PDE3B: variants seen among roughly 807,000 people sequenced by gnomAD.
The protein encoded by PDE3B is cGMP-inhibited 3',5'-cyclic phosphodiesterase 3B.
In PDE3B, 66 loss-of-function variants were observed where a neutral mutation model predicts 116.8. The observed-to-expected ratio is 0.56, with a 90% CI of 0.46 to 0.69. The LOEUF (loss-of-function observed/expected upper bound fraction) is 0.69. PDE3B is among the 30% of genes least tolerant of loss of function. The pLI, the probability that PDE3B is intolerant of heterozygous loss-of-function variation, is 0.00. For missense variants in PDE3B, 1,384 were observed against 1,368.1 expected, an observed-to-expected ratio of 1.01 and a Z score of -0.18; for synonymous variants, 595 against 533.6, an observed-to-expected ratio of 1.12 and a Z score of -1.59.
intron 1 of PDE3B, among the ~76,000 whole-genome samples, chr11:14,694,459 G>A (rs1444269901): frequency 6.6e-6 from 1 of 152,160 alleles, no homozygotes; most frequent in Non-Finnish European, 1.5e-5. Context: ...TGATAAGTCA[G>A]CAGCCATCAG....
chr11:14,883,708 T>C, the PDE3B span, among the ~76,000 whole-genome samples: 11 of 151,926 alleles, frequency 7.2e-5, no homozygotes, highest in Non-Finnish European at 2.9e-5. Flanking sequence ...CTCAAGAGCT[T>C]CTGCACAGCA....
intron 1 of PDE3B, among the ~76,000 whole-genome samples, chr11:14,691,167 G>A (rs997046576): frequency 6.6e-6 from 1 of 152,128 alleles, no homozygotes; most frequent in African/African-American, 2.4e-5. Context: ...CTAGTGCTGA[G>A]TGCAATAATT....
chr11:14,867,602 A>C lies in PDE3B; in HGVS notation c.2983A>C (p.Ile995Leu). 1 of 1,613,732 alleles carries C rather than the reference A, an allele frequency of 6.2e-7. No homozygotes were observed. The highest frequency in any genetic ancestry group is 8.5e-7 in the Non-Finnish European group (1 of 1,179,656). The change falls in exon 15 of 16, where the codon ATA becomes CTA. Residue 995 changes from isoleucine to leucine, a missense_variant. By Grantham distance (5) the Ile-to-Leu change is conservative. This residue lies in a region of PDE3B where 428 missense variants were observed against 561.4 expected (regional missense o/e 0.76). Coordinates refer to ENST00000282096, the MANE Select transcript of PDE3B (RefSeq NM_000922.4). ...ACTCCAAGAATCTTTTATCACCCAC[A>C]TAGTGGGTCCCCTGTGTAACTCCTA... Reference protein sequence around the residue: ...AKLQESFITHIVGPLCNSYDA... With the variant: ...AKLQESFITHLVGPLCNSYDA...
chr11:14,832,047 T>C (rs1288393766), intron 9 of PDE3B, among the ~76,000 whole-genome samples: 2 of 152,188 alleles, frequency 1.3e-5, no homozygotes, highest in Non-Finnish European at 2.9e-5. Flanking sequence ...TTCTTGAATG[T>C]GGAGGTTGAA....
intron 1 of PDE3B, among the ~76,000 whole-genome samples, chr11:14,666,665 C>CA (rs1357949819): frequency 6.6e-6 from 1 of 151,160 alleles, no homozygotes; most frequent in East Asian, 1.9e-4. Flanking sequence ...TTTATGCAGC[C>CA]AAAAAACACA....
At chr11:14,646,359 C>G (rs1853407406) in intron 1 of PDE3B, among the ~76,000 whole-genome samples, 1 of 152,146 alleles carries the variant, frequency 6.6e-6, no homozygotes, top group Non-Finnish European at 1.5e-5. Context: ...TGACACAATA[C>G]TTTGCTTCTT....
intron 1 of PDE3B, among the ~76,000 whole-genome samples, chr11:14,655,593 G>T (rs549911186): frequency 7.9e-5 from 12 of 152,094 alleles, no homozygotes; most frequent in Non-Finnish European, 1.5e-4. Flanking sequence ...ACTCAGATGT[G>T]CAGACTAGCT....
intron 1 of PDE3B, among the ~76,000 whole-genome samples, chr11:14,729,779 T>G (rs1856405721): frequency 6.6e-6 from 1 of 152,148 alleles, no homozygotes; most frequent in South Asian, 2.1e-4. Context: ...TGTTTTATAT[T>G]TAATGGAGTG....
intron 5 of PDE3B, among the ~76,000 whole-genome samples, chr11:14,816,033 A>T (rs750571830): frequency 2.6e-5 from 4 of 152,086 alleles, no homozygotes; most frequent in Non-Finnish European, 5.9e-5. Flanking sequence ...TGGGCTTGCA[A>T]GGCAAGCAAG....
chr11:14,883,615 T>G, the PDE3B span, among the ~76,000 whole-genome samples: 3 of 152,210 alleles, frequency 2.0e-5, no homozygotes, highest in South Asian at 6.2e-4. Context: ...ATTCAGGAGA[T>G]AGGCATGGGC....
rs570259141 is a variant in PDE3B at position 14,866,568 on chromosome 11, G to T, written c.2887-938G>T. Among the ~76,000 whole-genome samples, 18 of 152,220 alleles carry T rather than the reference G, an allele frequency of 1.2e-4. No homozygotes were observed. In the South Asian group the frequency reaches 3.5e-3, roughly 30 times the overall value. The stretch of plus-strand genomic sequence containing the variant: ...AATATCAATTGTTTTCTTCCTCATA[G>T]ACAATAATCTCGTAAAAGATTTCTA... On this transcript the variant is annotated intron_variant, in intron 14 of 15. Transcript: ENST00000282096.
chr11:14,789,199 C>T lies in PDE3B; in HGVS notation c.1372C>T (p.Arg458Cys), dbSNP rs781318091. The change falls in exon 4 of 16, where the codon CGT becomes TGT. Residue 458 changes from arginine to cysteine, a missense_variant. Physicochemically the swap from Arg to Cys is radical, Grantham distance 180. This residue lies in a region of PDE3B where 956 missense variants were observed against 806.8 expected (regional missense o/e 1.18). Coordinates refer to ENST00000282096, the MANE Select transcript of PDE3B (RefSeq NM_000922.4). Reference sequence around the variant, plus strand: ...TGTTGAACAGTCTTCAAGGTGGGATCGTAATAATGGCAAAAGACCTCACCA... The same window carrying T: ...TGTTGAACAGTCTTCAAGGTGGGATTGTAATAATGGCAAAAGACCTCACCA... ...LPVEQSSRWD[R>C]NNGKRPHQEF... 7.5e-6 allele frequency: 12 copies of T among 1,609,862 alleles called. No homozygotes were observed. The highest frequency in any genetic ancestry group is 4.0e-5 in the African/African-American group (3 of 74,748).
intron 12 of PDE3B, among the ~76,000 whole-genome samples, chr11:14,851,815 C>A (rs1343466983): frequency 1.3e-5 from 2 of 152,102 alleles, no homozygotes; most frequent in African/African-American, 2.4e-5. Flanking sequence ...GGATTAATGG[C>A]ATAGTGGAAA....
chr11:14,659,582 T>A (rs1853828519), intron 1 of PDE3B, among the ~76,000 whole-genome samples: 1 of 152,186 alleles, frequency 6.6e-6, no homozygotes, highest in African/African-American at 2.4e-5. Flanking sequence ...TGGGAGTTTG[T>A]TGTACAGATT....
chr11:14,687,492 A>C (rs937888870), intron 1 of PDE3B, among the ~76,000 whole-genome samples: 3 of 152,158 alleles, frequency 2.0e-5, no homozygotes, highest in African/African-American at 7.2e-5. Flanking sequence ...AGACAATAGA[A>C]CTATGTTTAT....
At chr11:14,681,939 G>A (rs1407295773) in intron 1 of PDE3B, among the ~76,000 whole-genome samples, 1 of 152,124 alleles carries the variant, frequency 6.6e-6, no homozygotes, top group Non-Finnish European at 1.5e-5. Flanking sequence ...CTGATAGCCT[G>A]CTGTTGACTG....
chr11:14,701,551 A>G (rs2133817871), intron 1 of PDE3B, among the ~76,000 whole-genome samples: 1 of 151,708 alleles, frequency 6.6e-6, no homozygotes, highest in African/African-American at 2.4e-5. Flanking sequence ...AATTACTCCT[A>G]ATTTTTTCCC....
chr11:14,792,404 A>G (rs1175084894), intron 4 of PDE3B, among the ~76,000 whole-genome samples: 1 of 147,150 alleles, frequency 6.8e-6, no homozygotes, highest in Non-Finnish European at 1.5e-5. Flanking sequence ...TATATAAGGT[A>G]TTTGGATAAA....
At chr11:14,865,252 T>G (rs1206885901) in intron 14 of PDE3B, among the ~76,000 whole-genome samples, 1 of 152,206 alleles carries the variant, frequency 6.6e-6, no homozygotes, top group African/African-American at 2.4e-5. Context: ...TGCCATTTTT[T>G]GGGGTCCCGT....
Sources: allele counts gnomAD v4.1 joint callset (sites outside exome capture counted in the v4.1 genomes callset), GRCh38; gene constraint gnomAD v4.1.1; regional missense constraint gnomAD v4.1.1; transcripts MANE v1.5; gene names NCBI Gene and HGNC (gene_info 2026-07-23, HGNC 2026-07-21).